The following PTPRF variants were observed in gnomAD, a reference collection of about 807,000 sequenced individuals.
The protein encoded by PTPRF is receptor-type tyrosine-protein phosphatase F.
PTPRF carries 59 observed loss-of-function variants against 201.8 expected under a neutral mutation model. The observed-to-expected ratio is 0.29, with a 90% confidence interval of 0.24 to 0.36. PTPRF has a LOEUF of 0.36. PTPRF is among the 10% of genes least tolerant of loss of function. The pLI is 1.00. For synonymous variants in PTPRF, 1,088 were observed against 1,089.7 expected (o/e 1.00, Z 0.03); for missense variants, 2,132 against 2,690.5 (o/e 0.79, Z 4.59).
chr1:43,568,721 T>G (rs1162816434), intron 5 of PTPRF, among the ~76,000 whole-genome samples: 1 of 151,958 alleles, frequency 6.6e-6, no homozygotes, highest in Admixed American at 6.5e-5. Flanking sequence ...GGGGCTGATA[T>G]GGGAGCCCAT....
At chr1:43,548,302 C>CA (rs1257601059) in intron 3 of PTPRF, among the ~76,000 whole-genome samples, 1 of 151,282 alleles carries the variant, frequency 6.6e-6, no homozygotes, top group Non-Finnish European at 1.5e-5. Context: ...CCTAGGAGCT[C>CA]AGAGCAGGAT....
In PTPRF at chr1:43,613,661, C is replaced by A; in HGVS notation, c.4017C>A (p.Asp1339Glu). The A allele has an allele frequency of 6.2e-7, 1 of 1,614,206 alleles. No homozygotes were observed. Among genetic ancestry groups the A allele is most frequent in the Non-Finnish European group, 8.5e-7 (1 of 1,180,014 alleles). ...CCATCCCCATCACCGACCTGGCGGA[C>A]AACATCGAGCGCCTCAAAGCCAACG... ...HPPIPITDLA[D>E]NIERLKANDG... Residue 1339 changes from aspartate (D) to glutamate (E), a missense_variant, in exon 23 of 34, where the codon GAC becomes GAA. By Grantham distance (45) the Asp-to-Glu change is conservative. This residue lies in a region of PTPRF where 818 missense variants were observed against 915.3 expected (regional missense o/e 0.89). Transcript: ENST00000359947.
chr1:43,580,947 A>C (rs1310462588), intron 7 of PTPRF, among the ~76,000 whole-genome samples: 1 of 152,250 alleles, frequency 6.6e-6, no homozygotes, highest in African/African-American at 2.4e-5. Context: ...AGGCAGAAGA[A>C]GGCCCAGAGG....
chr1:43,587,677 G>A (rs2154007120), intron 7 of PTPRF, among the ~76,000 whole-genome samples: 1 of 152,324 alleles, frequency 6.6e-6, no homozygotes, highest in African/African-American at 2.4e-5. Context: ...CTTGGGTACT[G>A]ACTAGCCTGC....
intron 22 of PTPRF, among the ~76,000 whole-genome samples, chr1:43,612,368 A>G (rs553461847): frequency 6.6e-6 from 1 of 152,300 alleles, no homozygotes; most frequent in Admixed American, 6.5e-5. Context: ...GTGGGAGAGT[A>G]GAGGGTGTGG....
chr1:43,610,390 T>C (rs1414937431), intron 22 of PTPRF, among the ~76,000 whole-genome samples: 3 of 152,234 alleles, frequency 2.0e-5, no homozygotes, highest in African/African-American at 7.2e-5. Flanking sequence ...AAAACAACAA[T>C]AATTATGTAT....
At chr1:43,593,394 G>T (rs1000507125) in intron 11 of PTPRF, among the ~76,000 whole-genome samples, 1 of 152,154 alleles carries the variant, frequency 6.6e-6, no homozygotes, top group Admixed American at 6.5e-5. Flanking sequence ...TGTGGGTCTC[G>T]GTAGCCCCCC....
intron 21 of PTPRF, among the ~76,000 whole-genome samples, chr1:43,608,055 C>T (rs1243583598): frequency 2.0e-5 from 3 of 152,246 alleles, no homozygotes; most frequent in Non-Finnish European, 2.9e-5. Context: ...ACCCTGGACC[C>T]ACTGTTCCTT....
intron 9 of PTPRF, 21 bp from the exon 10 acceptor site, chr1:43,591,791 G>T (rs1650830436): frequency 6.2e-7 from 1 of 1,612,358 alleles, no homozygotes; most frequent in Non-Finnish European, 8.5e-7. Context: ...AGGCTGACCT[G>T]CCTGGTGTGG....
rs1415040960 is a variant in PTPRF at position 43,623,315 on chromosome 1, A to G, written c.*1312A>G. 3 of 152,628 alleles carry G rather than the reference A, an allele frequency of 2.0e-5. No homozygotes were observed. Among genetic ancestry groups the G allele is most frequent in the Non-Finnish European group, 4.4e-5 (3 of 68,044 alleles). The allele number at this position is 152,628 out of a possible 1,614,324, so 9.5% of individuals were successfully genotyped here. On this transcript the variant is annotated 3_prime_UTR_variant, in exon 34 of 34. Transcript: ENST00000359947. ...AATGTGGCAAGACTACTGGACTTCT[A>G]TCAATGGTACTCTAATCAGTCCTTA...
Position 43,619,442 on chromosome 1 carries a change from C to T in PTPRF, c.4801C>T (p.His1601Tyr). ...GACGGAGGACCAGTACGTGTTCATC[C>T]ATGAGGCGCTGCTGGAGGCTGCCAC... Reference protein sequence around the residue: ...VQTEDQYVFIHEALLEAATCG... With the variant: ...VQTEDQYVFIYEALLEAATCG... The change falls in exon 28 of 34, where the codon CAT becomes TAT. Residue 1601 changes from histidine to tyrosine, a missense_variant. His to Tyr is a moderately conservative substitution (Grantham distance 83, BLOSUM62 2). Coordinates refer to ENST00000359947, the MANE Select transcript of PTPRF (RefSeq NM_002840.5). 1.2e-6 allele frequency: 2 copies of T among 1,614,118 alleles called. No homozygotes were observed. Among genetic ancestry groups the T allele is most frequent in the Non-Finnish European group, 1.7e-6 (2 of 1,180,038 alleles).
At chr1:43,522,273 G>T (rs568932207), upstream of PTPRF, among the ~76,000 whole-genome samples, 2 of 152,198 alleles carry the variant, frequency 1.3e-5, no homozygotes, top group African/African-American at 2.4e-5. Flanking sequence ...AGAGCTCCAG[G>T]TGCCATAGGA....
intron 5 of PTPRF, among the ~76,000 whole-genome samples, chr1:43,567,216 G>A (rs1187181532): frequency 6.6e-6 from 1 of 152,130 alleles, no homozygotes; most frequent in African/African-American, 2.4e-5. Flanking sequence ...AGTGTCCCCA[G>A]GTGTTGGGGA....
chr1:43,603,438 C>T lies in PTPRF; in HGVS notation c.2363C>T (p.Thr788Ile), dbSNP rs777372045. 79 of 1,614,050 alleles carry T rather than the reference C, an allele frequency of 4.9e-5. 1 individual carries two copies. In the Middle Eastern group the frequency reaches 8.2e-4, roughly 17 times the overall value. ...EDYETTISGL[T>I]PETTYSVTVA... Reference sequence around the variant, plus strand: ...CAGGAAACCACTATCAGCGGCCTGACCCCGGAGACCACCTACTCCGTTACT... The same window carrying T: ...CAGGAAACCACTATCAGCGGCCTGATCCCGGAGACCACCTACTCCGTTACT... Residue 788 changes from threonine to isoleucine, a missense_variant, in exon 15 of 34, where the codon ACC becomes ATC. Physicochemically the swap from Thr to Ile is moderately conservative, Grantham distance 89. Around this residue, in one of 6 missense-constraint regions of PTPRF, gnomAD observed 818 missense variants for 915.3 expected, o/e 0.89. Transcript: ENST00000359947. The surrounding 1 kb of genome is among the most constrained non-coding windows in gnomAD (Gnocchi z 5.8).
At chr1:43,561,658 C>T (rs1469365438) in intron 5 of PTPRF, among the ~76,000 whole-genome samples, 1 of 152,122 alleles carries the variant, frequency 6.6e-6, no homozygotes, top group Non-Finnish European at 1.5e-5. Context: ...TGTGACCTGT[C>T]CTTACACCCC....
chr1:43,592,647 A>G, intron 11 of PTPRF, 46 bp downstream of exon 11: 1 of 1,519,424 alleles, frequency 6.6e-7, no homozygotes, highest in Non-Finnish European at 8.8e-7. Context: ...GGGCTGGGAC[A>G]CACACACACA....
chr1:43,551,521 G>A (rs775110553), intron 3 of PTPRF, among the ~76,000 whole-genome samples: 2 of 152,090 alleles, frequency 1.3e-5, no homozygotes, highest in Non-Finnish European at 2.9e-5. Flanking sequence ...CTGGCTGCCC[G>A]AGCCTGCCCT....
At chr1:43,545,792 C>T (rs553346718) in intron 3 of PTPRF, among the ~76,000 whole-genome samples, 100 of 152,262 alleles carry the variant, frequency 6.6e-4, no homozygotes, top group African/African-American at 2.1e-3. Context: ...AGCTGAGCAA[C>T]GCCCCTCTGT....
intron 11 of PTPRF, among the ~76,000 whole-genome samples, chr1:43,593,935 G>A (rs966259274): frequency 3.3e-5 from 5 of 152,148 alleles, no homozygotes; most frequent in South Asian, 2.1e-4. Context: ...GCAGTGAGCC[G>A]AGATGGTGCC....
Sources: allele counts gnomAD v4.1 joint callset (sites outside exome capture counted in the v4.1 genomes callset), GRCh38; gene constraint gnomAD v4.1.1; regional missense constraint gnomAD v4.1.1; non-coding constraint Gnocchi (gnomAD v3.1); transcripts MANE v1.5; gene names NCBI Gene and HGNC (gene_info 2026-07-23, HGNC 2026-07-21).